Variants in RANBP2 observed in about 807,000 individuals in gnomAD.
RANBP2 encodes E3 SUMO-protein ligase RanBP2.
In RANBP2, 57 loss-of-function variants were observed where a neutral mutation model predicts 303.6. That is an observed-to-expected ratio of 0.19 (90% CI 0.15 to 0.23). RANBP2 has a LOEUF of 0.23. Ranked by LOEUF, RANBP2 falls within the 10% of genes least tolerant of loss-of-function variation. The pLI is 1.00. For synonymous variants in RANBP2, 1,167 were observed against 1,301.5 expected (o/e 0.90, Z 2.23); for missense variants, 3,138 against 3,780.8 (o/e 0.83, Z 4.46).
At chr2:109,041,685 CTTTTTTTTTTT>C in the RANBP2 span, among the ~76,000 whole-genome samples, 3 of 82,056 alleles carry the variant, frequency 3.7e-5, no homozygotes, top group African/African-American at 1.1e-4. Flanking sequence ...CCATGCCCGG[CTTTTTTTTTTT>C]TTTTTTTTTT....
At position 108,772,506 on chromosome 2, in the gene RANBP2, G is replaced by T. The variant is rs1332165200; in HGVS notation, c.8038G>T (p.Ala2680Ser). 1 of 1,613,406 alleles carries T rather than the reference G, an allele frequency of 6.2e-7. No individual in the cohort carries two copies. The highest frequency in any genetic ancestry group is 8.5e-7 in the Non-Finnish European group (1 of 1,179,606). The change falls in exon 22 of 29, where the codon GCT becomes TCT. Residue 2680 changes from alanine to serine, a missense_variant. By Grantham distance (99) the Ala-to-Ser change is moderately conservative. This residue lies in a region of RANBP2 where 497 missense variants were observed against 465.8 expected (regional missense o/e 1.07). Coordinates refer to ENST00000283195, the MANE Select transcript of RANBP2 (RefSeq NM_006267.5). Reference protein sequence around the residue: ...EEEDDEDFETAVKKLNGKLYL... With the variant: ...EEEDDEDFETSVKKLNGKLYL... Reference sequence around the variant, plus strand: ...ATTTTAAGATGAAGATTTCGAAACAGCTGTCAAGAAACTTAATGGAAAACT... The same window carrying T: ...ATTTTAAGATGAAGATTTCGAAACATCTGTCAAGAAACTTAATGGAAAACT...
chr2:109,199,607 T>TTAACCC, the RANBP2 span, among the ~76,000 whole-genome samples: 2 of 276 alleles, frequency 7.2e-3, no homozygotes, highest in Admixed American at 0.056. Context: ...TGGAATGGAA[T>TTAACCC]GGAATGGAAT....
At chr2:108,835,431 A>G in the RANBP2 span, among the ~76,000 whole-genome samples, 2 of 152,232 alleles carry the variant, frequency 1.3e-5, no homozygotes, top group African/African-American at 4.8e-5. Context: ...AAAAAAATTC[A>G]TGGAACTGTT....
chr2:109,704,607 T>G, the RANBP2 span, among the ~76,000 whole-genome samples: 1 of 151,934 alleles, frequency 6.6e-6, no homozygotes, highest in Admixed American at 6.6e-5. Context: ...CCCAGCACTT[T>G]AGGAGGCCGA....
rs755907947 is a variant in RANBP2, at chr2:108,764,716, A to G, written c.4177A>G (p.Thr1393Ala). 4 of 1,613,882 alleles carry G rather than the reference A, an allele frequency of 2.5e-6. No homozygotes were observed. In the Admixed American group the frequency reaches 5.0e-5, roughly 20 times the overall value. ...KELVGPPLAE[T>A]VFTPKTSPEN... ...GCTCGTTGGCCCACCATTAGCTGAA[A>G]CTGTTTTTACTCCTAAAACCAGCCC... The change falls in exon 20 of 29, where the codon ACT becomes GCT. Residue 1393 changes from threonine to alanine, a missense_variant. This residue lies in a region of RANBP2 where 388 missense variants were observed against 328.5 expected (regional missense o/e 1.18). Coordinates refer to ENST00000283195, the MANE Select transcript of RANBP2 (RefSeq NM_006267.5).
chr2:109,155,150 C>G, the RANBP2 span, among the ~76,000 whole-genome samples: 2 of 152,150 alleles, frequency 1.3e-5, no homozygotes, highest in East Asian at 3.8e-4. Context: ...TGCTGATGTT[C>G]GGTGGTGTTC....
At chr2:108,908,977 G>T in the RANBP2 span, among the ~76,000 whole-genome samples, 1 of 152,104 alleles carries the variant, frequency 6.6e-6, no homozygotes, top group Non-Finnish European at 1.5e-5. Flanking sequence ...GTCCCCACTC[G>T]AGAGAAGGTG....
the RANBP2 span, among the ~76,000 whole-genome samples, chr2:109,737,723 T>G: frequency 1.4e-3 from 216 of 151,310 alleles, no homozygotes; most frequent in Admixed American, 4.7e-3. Flanking sequence ...TTAATCTGCA[T>G]CCTCTCCAGT....
chr2:109,391,485 C>T, the RANBP2 span, among the ~76,000 whole-genome samples: 15 of 152,226 alleles, frequency 9.9e-5, no homozygotes, highest in African/African-American at 3.6e-4. Context: ...AGGTCTCCAG[C>T]ACACTCCTGC....
chr2:109,070,629 G>C, the RANBP2 span, among the ~76,000 whole-genome samples: 1 of 152,176 alleles, frequency 6.6e-6, no homozygotes. Context: ...GGAGGTAAAG[G>C]CAGGAGGATC....
the RANBP2 span, among the ~76,000 whole-genome samples, chr2:109,306,550 C>T: frequency 3.9e-5 from 6 of 152,316 alleles, no homozygotes; most frequent in South Asian, 1.2e-3. Flanking sequence ...TGCTTTTTCT[C>T]TGACCGTACA....
At chr2:109,229,569 G>A in the RANBP2 span, among the ~76,000 whole-genome samples, 1 of 152,066 alleles carries the variant, frequency 6.6e-6, no homozygotes, top group Non-Finnish European at 1.5e-5. Flanking sequence ...CTGAATTGGT[G>A]GGTTTGCATT....
chr2:108,796,215 AT>A, the RANBP2 span, among the ~76,000 whole-genome samples: 134 of 144,582 alleles, frequency 9.3e-4, no homozygotes, highest in Admixed American at 9.7e-4. Flanking sequence ...CGCCCGGCTA[AT>A]TTTTTTTTTT....
chr2:109,661,583 C>G, the RANBP2 span, among the ~76,000 whole-genome samples: 1 of 152,230 alleles, frequency 6.6e-6, no homozygotes, highest in Non-Finnish European at 1.5e-5. Flanking sequence ...GGGAGTGTCA[C>G]AAACTTTTGC....
the RANBP2 span, among the ~76,000 whole-genome samples, chr2:108,856,448 T>C: frequency 6.6e-6 from 1 of 152,228 alleles, no homozygotes; most frequent in East Asian, 1.9e-4. Context: ...ATAGAAATAC[T>C]AAGTTTTTGG....
chr2:109,626,896 G>C, the RANBP2 span, among the ~76,000 whole-genome samples: 3 of 152,246 alleles, frequency 2.0e-5, no homozygotes, highest in African/African-American at 7.2e-5. Context: ...CTTTGTGGGT[G>C]TCCATAACGG....
the RANBP2 span, among the ~76,000 whole-genome samples, chr2:109,172,343 G>C: frequency 6.6e-6 from 1 of 152,202 alleles, no homozygotes; most frequent in Admixed American, 6.5e-5. Context: ...GCGAGCCAGC[G>C]GTCAAACCCC....
At chr2:109,542,664 G>T in the RANBP2 span, among the ~76,000 whole-genome samples, 1 of 152,078 alleles carries the variant, frequency 6.6e-6, no homozygotes, top group African/African-American at 2.4e-5. Context: ...CCAGAACCTG[G>T]GTGTCACTGA....
chr2:109,134,131 T>C, the RANBP2 span, among the ~76,000 whole-genome samples: 7 of 152,308 alleles, frequency 4.6e-5, no homozygotes, highest in African/African-American at 1.4e-4. Context: ...ATATATCACC[T>C]TATGGAAAGT....
Sources: allele counts gnomAD v4.1 joint callset (sites outside exome capture counted in the v4.1 genomes callset), GRCh38; gene constraint gnomAD v4.1.1; regional missense constraint gnomAD v4.1.1; transcripts MANE v1.5; gene names NCBI Gene and HGNC (gene_info 2026-07-23, HGNC 2026-07-21).